Variants in TMTC1 observed in about 807,000 individuals in gnomAD.
TMTC1 encodes protein O-mannosyl-transferase TMTC1.
Under a neutral mutation model 104.8 loss-of-function variants are expected in TMTC1, and 73 were observed. The observed-to-expected ratio is 0.70, with a 90% confidence interval of 0.58 to 0.85. TMTC1 has a LOEUF of 0.85. TMTC1 is among the 40% of genes least tolerant of loss of function. The pLI is 0.00. For synonymous variants in TMTC1, 434 were observed against 428.7 expected, an observed-to-expected ratio of 1.01 and a Z score of -0.15; for missense variants, 1,035 against 1,096.1, an observed-to-expected ratio of 0.94 and a Z score of 0.79.
chr12:29,528,082 A>G (rs1275995031), intron 11 of TMTC1, among the ~76,000 whole-genome samples: 1 of 152,198 alleles, frequency 6.6e-6, no homozygotes, highest in East Asian at 1.9e-4. Flanking sequence ...GGAAGAAAAT[A>G]CTGTATGGGT....
At chr12:29,565,376 T>TG (rs1945482823) in intron 9 of TMTC1, among the ~76,000 whole-genome samples, 2 of 152,318 alleles carry the variant, frequency 1.3e-5, no homozygotes, top group South Asian at 4.1e-4. Flanking sequence ...CTAGGTATCA[T>TG]GGCCCATCCA....
chr12:29,669,569 A>G (rs146707897), intron 5 of TMTC1, among the ~76,000 whole-genome samples: 3,342 of 152,296 alleles, frequency 0.022, 58 homozygotes, highest in Middle Eastern at 0.034. Context: ...CAGATGTAGA[A>G]ACAAATAAGA....
At chr12:29,634,335 C>T (rs1250571858) in intron 5 of TMTC1, among the ~76,000 whole-genome samples, 1 of 152,306 alleles carries the variant, frequency 6.6e-6, no homozygotes, top group East Asian at 1.9e-4. Flanking sequence ...AAGGACAGAG[C>T]CTCTGCCTCC....
intron 7 of TMTC1, among the ~76,000 whole-genome samples, chr12:29,587,314 A>G (rs1946164588): frequency 6.6e-6 from 1 of 151,216 alleles, no homozygotes; most frequent in South Asian, 2.1e-4. Flanking sequence ...CATCTATTTT[A>G]TTCCTCTCTC....
At chr12:29,583,740 G>A (rs1384732139) in intron 7 of TMTC1, among the ~76,000 whole-genome samples, 166 bp from the exon 8 acceptor site, 1 of 152,198 alleles carries the variant, frequency 6.6e-6, no homozygotes, top group African/African-American at 2.4e-5. Context: ...TCTCTAAAGT[G>A]CTGCACTAGC....
intron 5 of TMTC1, among the ~76,000 whole-genome samples, chr12:29,687,961 T>C (rs1011597866): frequency 2.0e-5 from 3 of 152,196 alleles, no homozygotes; most frequent in Admixed American, 2.0e-4. Context: ...CAAATATAGT[T>C]ACATTGGAGG....
chr12:29,752,501 C>T (rs760998524), intron 4 of TMTC1, among the ~76,000 whole-genome samples: 12 of 152,204 alleles, frequency 7.9e-5, no homozygotes, highest in South Asian at 2.1e-4. Flanking sequence ...AGCAACTACA[C>T]TTCCATGGCT....
chr12:29,650,921 A>G (rs1329319438), intron 5 of TMTC1, among the ~76,000 whole-genome samples: 1 of 152,256 alleles, frequency 6.6e-6, no homozygotes, highest in African/African-American at 2.4e-5. Flanking sequence ...CCTCAGAAAG[A>G]AAACGATCTT....
intron 5 of TMTC1, among the ~76,000 whole-genome samples, chr12:29,707,859 G>A (rs966357881): frequency 1.3e-5 from 2 of 151,952 alleles, no homozygotes; most frequent in East Asian, 1.9e-4. Context: ...CCTCTCTCCC[G>A]CTTTTCTACA....
intron 5 of TMTC1, among the ~76,000 whole-genome samples, chr12:29,704,423 G>A (rs907113677): frequency 6.6e-6 from 1 of 152,182 alleles, no homozygotes; most frequent in Non-Finnish European, 1.5e-5. Flanking sequence ...CATCTTGGGG[G>A]CATAGGCAGA....
chr12:29,754,562 T>C (rs954499228), intron 4 of TMTC1, among the ~76,000 whole-genome samples: 1 of 152,148 alleles, frequency 6.6e-6, no homozygotes, highest in Non-Finnish European at 1.5e-5. Flanking sequence ...GTTTACAGGT[T>C]GTTCCCTAAA....
intron 5 of TMTC1, among the ~76,000 whole-genome samples, chr12:29,643,725 A>AT (rs1172479598): frequency 3.0e-4 from 3 of 9,904 alleles, no homozygotes; most frequent in African/African-American, 7.4e-4. Flanking sequence ...ATAATATATA[A>AT]ATATATATTA....
chr12:29,690,365 G>C (rs116611531), intron 5 of TMTC1, among the ~76,000 whole-genome samples: 261 of 152,294 alleles, frequency 1.7e-3, no homozygotes, highest in African/African-American at 6.1e-3. Flanking sequence ...TGTGAGATGG[G>C]AATCTCAATT....
intron 5 of TMTC1, among the ~76,000 whole-genome samples, chr12:29,656,558 T>C (rs1412025582): frequency 1.3e-5 from 2 of 151,974 alleles, no homozygotes; most frequent in Non-Finnish European, 2.9e-5. Flanking sequence ...TTTCACCATG[T>C]TGGCCAGGCT....
rs182916215 is a variant in TMTC1 at position 29,685,370 on chromosome 12, A to T, written c.939-52034T>A. Among the ~76,000 whole-genome samples the T allele has an allele frequency of 9.4e-3, 1,429 of 151,866 alleles. 24 individuals are homozygous for T. Among genetic ancestry groups the T allele is most frequent in the African/African-American group, 0.033 (1,350 of 41,506 alleles). On this transcript the variant is annotated intron_variant, in intron 5 of 17. Coordinates refer to ENST00000539277, the MANE Select transcript of TMTC1 (RefSeq NM_001193451.2). ...GTTACCAAAATTATTTCCAAAATAA[A>T]AAAAAAAAAACTTTCCAGGAAAGCA...
At chr12:29,523,557 A>G (rs1387790944) in intron 11 of TMTC1, among the ~76,000 whole-genome samples, 1 of 152,222 alleles carries the variant, frequency 6.6e-6, no homozygotes, top group Non-Finnish European at 1.5e-5. Flanking sequence ...AGGCAGTTTT[A>G]GGCTACATTT....
chr12:29,520,513 C>G, intron 12 of TMTC1, 105 bp downstream of exon 12: 1 of 951,592 alleles, frequency 1.1e-6, no homozygotes, highest in African/African-American at 1.6e-5. Context: ...GAGCTTCCTG[C>G]CAAGCCCAGT....
rs1268766349 is a variant in TMTC1, at chr12:29,520,506, C to T, written c.1888+112G>A. The T allele has an allele frequency of 2.2e-5, 19 of 875,616 alleles. No individual in the cohort carries two copies. The East Asian group carries it at 3.8e-4, about 17-fold the overall frequency. The allele number at this position is 875,616 out of a possible 1,614,324, so 54.2% of individuals were successfully genotyped here. A position where few individuals can be genotyped will look rare whatever the true frequency, so the allele number is the denominator to read the frequency against. Reference sequence around the variant, plus strand: ...GTATAATGACTGTCAATAGTGTGAGCTTCCTGCCAAGCCCAGTGAATTTTA... The same window carrying T: ...GTATAATGACTGTCAATAGTGTGAGTTTCCTGCCAAGCCCAGTGAATTTTA... On this transcript the variant is annotated intron_variant, in intron 12 of 17. Transcript: ENST00000539277.
chr12:29,697,402 G>A (rs1228282211), intron 5 of TMTC1, among the ~76,000 whole-genome samples: 1 of 152,170 alleles, frequency 6.6e-6, no homozygotes, highest in East Asian at 1.9e-4. Flanking sequence ...TGCTCACAAT[G>A]ATCAAGAATT....
Sources: gnomAD v4.1 joint callset for allele counts (sites outside exome capture counted in the v4.1 genomes callset) on GRCh38, gnomAD v4.1.1 for gene constraint, MANE v1.5 for transcripts, NCBI Gene and HGNC (gene_info 2026-07-23, HGNC 2026-07-21) for gene names.